The following DLG2 variants were observed in gnomAD, a reference collection of about 807,000 sequenced individuals.
DLG2 encodes discs large MAGUK scaffold protein 2.
In DLG2, 45 loss-of-function variants were observed where a neutral mutation model predicts 132.5. The observed-to-expected ratio is 0.34, with a 90% CI of 0.27 to 0.44. The LOEUF is 0.44. Ranked by LOEUF, DLG2 falls within the 20% of genes least tolerant of loss-of-function variation. The pLI, the probability that DLG2 is intolerant of heterozygous loss-of-function variation, is 1.00. For missense variants in DLG2, 1,045 were observed against 1,196.9 expected (o/e 0.87, Z 1.87); for synonymous variants, 424 against 419.6 (o/e 1.01, Z -0.13).
chr11:85,112,415 G>A (rs2072916876), intron 5 of DLG2, among the ~76,000 whole-genome samples: 1 of 151,846 alleles, frequency 6.6e-6, no homozygotes, highest in Admixed American at 6.6e-5. Context: ...ATAATACAGT[G>A]CTTTACTTTC....
chr11:85,216,013 T>TA (rs35448301), intron 4 of DLG2, among the ~76,000 whole-genome samples: 143,219 of 145,170 alleles, frequency 0.99, 70,638 homozygotes, highest in Middle Eastern at 1. Context: ...ATTTGGAAGT[T>TA]AAAAAAAAAA....
At chr11:85,344,807 T>G (rs1324676999) in intron 3 of DLG2, among the ~76,000 whole-genome samples, 1 of 152,140 alleles carries the variant, frequency 6.6e-6, no homozygotes, top group African/African-American at 2.4e-5. Flanking sequence ...TCATTAAATG[T>G]TTTTCAATTC....
chr11:85,561,962 ATAGAG>A (rs1201461916), intron 3 of DLG2, among the ~76,000 whole-genome samples: 2 of 151,966 alleles, frequency 1.3e-5, no homozygotes, highest in African/African-American at 4.8e-5. Flanking sequence ...GCTCAGAGAG[ATAGAG>A]TAAAGGCGCA....
intron 17 of DLG2, chr11:83,790,196 G>T: frequency 1.1e-6 from 1 of 870,080 alleles, no homozygotes; most frequent in South Asian, 1.6e-5. Context: ...GTCCCTGACT[G>T]AATGCTCAAT....
chr11:83,916,181 C>T (rs1043241564), intron 15 of DLG2, among the ~76,000 whole-genome samples: 7 of 152,038 alleles, frequency 4.6e-5, no homozygotes, highest in African/African-American at 1.4e-4. Context: ...CATATTTTGG[C>T]TATATTATGA....
At chr11:85,189,739 GAATAA>G (rs2080391268) in intron 4 of DLG2, among the ~76,000 whole-genome samples, 2 of 151,724 alleles carry the variant, frequency 1.3e-5, no homozygotes, top group African/African-American at 4.8e-5. Context: ...ATAATAATTG[GAATAA>G]AATAAAATAA....
intron 18 of DLG2, among the ~76,000 whole-genome samples, chr11:83,654,419 C>A (rs1260072171): frequency 1.3e-5 from 2 of 152,230 alleles, no homozygotes; most frequent in East Asian, 3.9e-4. Context: ...CATTCATAGT[C>A]CTTTTAGTTT....
intron 6 of DLG2, among the ~76,000 whole-genome samples, chr11:84,659,773 G>T (rs1249093772): frequency 6.6e-6 from 1 of 152,068 alleles, no homozygotes; most frequent in Non-Finnish European, 1.5e-5. Context: ...CAAGTTTGGG[G>T]GATTCCCAAG....
At chr11:84,212,043 C>A (rs2096763011) in intron 8 of DLG2, among the ~76,000 whole-genome samples, 1 of 152,192 alleles carries the variant, frequency 6.6e-6, no homozygotes, top group East Asian at 1.9e-4. Flanking sequence ...AACATTTACA[C>A]TAAGCACTGT....
chr11:84,851,644 T>A (rs1036656943), intron 6 of DLG2, among the ~76,000 whole-genome samples: 1 of 152,028 alleles, frequency 6.6e-6, no homozygotes, highest in Non-Finnish European at 1.5e-5. Flanking sequence ...TTTGGGGAGT[T>A]GATGGAGGGT....
intron 8 of DLG2, among the ~76,000 whole-genome samples, chr11:84,222,942 T>C (rs1566976647): frequency 6.6e-6 from 1 of 152,232 alleles, no homozygotes; most frequent in Non-Finnish European, 1.5e-5. Context: ...AATACTTGGG[T>C]ATATTTTGTG....
chr11:83,495,075 A>G (rs1192668337), intron 21 of DLG2, among the ~76,000 whole-genome samples: 1 of 152,144 alleles, frequency 6.6e-6, no homozygotes, highest in Non-Finnish European at 1.5e-5. Context: ...GAGTGACTCT[A>G]GCACTCTTTG....
intron 6 of DLG2, among the ~76,000 whole-genome samples, chr11:84,850,876 A>C (rs754933852): frequency 5.3e-5 from 8 of 152,138 alleles, no homozygotes; most frequent in Non-Finnish European, 1.2e-4. Context: ...ACAAAATATC[A>C]TTGAAAAAAT....
intron 15 of DLG2, among the ~76,000 whole-genome samples, chr11:83,894,284 T>C (rs1299908655): frequency 6.6e-6 from 1 of 152,006 alleles, no homozygotes; most frequent in Non-Finnish European, 1.5e-5. Context: ...ACAGTTTATA[T>C]AGAGAGATAC....
chr11:84,008,679 A>C (rs2094707004), intron 11 of DLG2, among the ~76,000 whole-genome samples: 1 of 152,000 alleles, frequency 6.6e-6, no homozygotes, highest in Non-Finnish European at 1.5e-5. Flanking sequence ...CTGACAAGTG[A>C]AGTCAGGTGA....
chr11:85,321,809 G>A (rs1443944213), intron 3 of DLG2, among the ~76,000 whole-genome samples: 2 of 152,000 alleles, frequency 1.3e-5, no homozygotes, highest in Non-Finnish European at 2.9e-5. Context: ...ATCTTCGCAG[G>A]ACAGGTTTAG....
At chr11:84,135,135 G>A (rs571465059) in intron 9 of DLG2, among the ~76,000 whole-genome samples, 55 of 152,120 alleles carry the variant, frequency 3.6e-4, no homozygotes, top group South Asian at 3.1e-3. Context: ...ACTGCTATAT[G>A]TACTAAGCCT....
chr11:83,582,276 G>T (rs1169727787), intron 19 of DLG2, among the ~76,000 whole-genome samples: 3 of 152,058 alleles, frequency 2.0e-5, no homozygotes, highest in African/African-American at 7.2e-5. Context: ...CTTTGCCATG[G>T]TGACCACAGG....
intron 19 of DLG2, among the ~76,000 whole-genome samples, chr11:83,569,581 C>T (rs2096764430): frequency 6.6e-6 from 1 of 152,134 alleles, no homozygotes; most frequent in African/African-American, 2.4e-5. Flanking sequence ...ATCTGGGATG[C>T]AAACCCAGGA....
Sources: gnomAD v4.1 joint callset for allele counts (sites outside exome capture counted in the v4.1 genomes callset) on GRCh38, gnomAD v4.1.1 for gene constraint, MANE v1.5 for transcripts, NCBI Gene and HGNC (gene_info 2026-07-23, HGNC 2026-07-21) for gene names.